Variants in MAML3 observed in about 807,000 individuals in gnomAD.
MAML3 encodes mastermind like transcriptional coactivator 3, also known as mastermind-like protein 3.
Under a neutral mutation model 101.9 loss-of-function variants are expected in MAML3, and 27 were observed. The observed-to-expected ratio is 0.27, with a 90% CI of 0.20 to 0.37. MAML3 has a LOEUF of 0.37. Ranked by LOEUF, MAML3 falls within the 10% of genes least tolerant of loss-of-function variation. The pLI, the probability that MAML3 is intolerant of heterozygous loss-of-function variation, is 1.00. For synonymous variants in MAML3, 501 were observed against 555.9 expected (o/e 0.90, Z 1.39); for missense variants, 1,316 against 1,444.9 (o/e 0.91, Z 1.45).
chr4:140,061,079 G>A (rs1173211531), intron 1 of MAML3, among the ~76,000 whole-genome samples: 2 of 152,182 alleles, frequency 1.3e-5, no homozygotes, highest in Non-Finnish European at 2.9e-5. Flanking sequence ...CGTTTGATGT[G>A]GACTTCTACG....
At chr4:139,999,095 C>G (rs1045376774) in intron 1 of MAML3, among the ~76,000 whole-genome samples, 1 of 152,182 alleles carries the variant, frequency 6.6e-6, no homozygotes, top group East Asian at 1.9e-4. Context: ...AGCCTCAAGA[C>G]TAGATAGGAG....
chr4:139,717,109 A>G lies in MAML3; in HGVS notation c.*2214T>C, dbSNP rs1411712206. On this transcript the variant is annotated 3_prime_UTR_variant, in exon 5 of 5. Coordinates refer to ENST00000509479, the MANE Select transcript of MAML3 (RefSeq NM_018717.5). ...GATATCTGCAGTATTGTAAAAACTT[A>G]TGTACAAATAACTTTTTTTAGACAT... 2.0e-5 allele frequency: 3 copies of G among 152,458 alleles called. No individual in the cohort carries two copies. Among genetic ancestry groups the G allele is most frequent in the Non-Finnish European group, 4.4e-5 (3 of 67,998 alleles). The allele number at this position is 152,458 out of a possible 1,614,324, so 9.4% of individuals were successfully genotyped here.
At chr4:140,123,447 G>T (rs1447018298) in intron 1 of MAML3, among the ~76,000 whole-genome samples, 1 of 152,040 alleles carries the variant, frequency 6.6e-6, no homozygotes, top group Non-Finnish European at 1.5e-5. Flanking sequence ...TTACAAGTAG[G>T]TGAGAAATTG....
At chr4:139,729,249 C>T (rs1200749915) in intron 3 of MAML3, among the ~76,000 whole-genome samples, 1 of 149,104 alleles carries the variant, frequency 6.7e-6, no homozygotes, top group Non-Finnish European at 1.5e-5. Flanking sequence ...TTACTTTGAA[C>T]TGCTATTCTT....
At chr4:140,118,444 A>G (rs1728550759) in intron 1 of MAML3, among the ~76,000 whole-genome samples, 1 of 152,210 alleles carries the variant, frequency 6.6e-6, no homozygotes, top group South Asian at 2.1e-4. Context: ...TAATAATAAT[A>G]ATAAACAATG....
intron 2 of MAML3, among the ~76,000 whole-genome samples, chr4:139,763,844 C>T (rs1010747505): frequency 3.9e-5 from 6 of 152,198 alleles, no homozygotes; most frequent in Non-Finnish European, 7.3e-5. Context: ...AGAGAGGCCG[C>T]TGAATTAAAC....
At chr4:140,129,684 C>T (rs1041372373) in intron 1 of MAML3, among the ~76,000 whole-genome samples, 9 of 152,030 alleles carry the variant, frequency 5.9e-5, no homozygotes, top group Admixed American at 2.0e-4. Flanking sequence ...CAAAACAAAA[C>T]GGCCGGGCGC....
At chr4:139,915,219 A>C (rs1290938966) in intron 1 of MAML3, among the ~76,000 whole-genome samples, 1 of 152,208 alleles carries the variant, frequency 6.6e-6, no homozygotes, top group Non-Finnish European at 1.5e-5. Flanking sequence ...AAAATACTAC[A>C]TTTGTCAGTT....
chr4:139,804,141 G>A (rs1272001152), intron 2 of MAML3, among the ~76,000 whole-genome samples: 1 of 152,200 alleles, frequency 6.6e-6, no homozygotes, highest in East Asian at 1.9e-4. Flanking sequence ...GAAGGTTGGA[G>A]TAGCTCAGTC....
chr4:139,786,171 C>T (rs1458562420), intron 2 of MAML3, among the ~76,000 whole-genome samples: 2 of 151,954 alleles, frequency 1.3e-5, no homozygotes, highest in Non-Finnish European at 2.9e-5. Flanking sequence ...AGGCAGAGGC[C>T]TTCAGAAGAA....
chr4:139,973,682 A>C (rs2110796254), intron 1 of MAML3, among the ~76,000 whole-genome samples: 1 of 152,288 alleles, frequency 6.6e-6, no homozygotes, highest in East Asian at 1.9e-4. Flanking sequence ...TGTGAATACC[A>C]CAAGTTCACA....
chr4:139,771,721 CAG>C (rs1168445700), intron 2 of MAML3, among the ~76,000 whole-genome samples: 2 of 152,216 alleles, frequency 1.3e-5, no homozygotes. Context: ...CAGCCTAGGA[CAG>C]AGTTTCTTAA....
At chr4:139,933,305 C>T (rs533985378) in intron 1 of MAML3, among the ~76,000 whole-genome samples, 331 of 152,198 alleles carry the variant, frequency 2.2e-3, no homozygotes, top group Middle Eastern at 0.014. Flanking sequence ...ACTCAGGGCC[C>T]GCCCATGAGC....
intron 1 of MAML3, among the ~76,000 whole-genome samples, chr4:139,942,941 T>A (rs1733635101): frequency 6.6e-6 from 1 of 152,210 alleles, no homozygotes; most frequent in Admixed American, 6.5e-5. Context: ...ACAACTGATA[T>A]TACATTTTTG....
chr4:139,766,607 C>A (rs1266036342), intron 2 of MAML3, among the ~76,000 whole-genome samples: 1 of 152,178 alleles, frequency 6.6e-6, no homozygotes, highest in East Asian at 1.9e-4. Context: ...CCGGCCACAC[C>A]CAGCTGCTTT....
chr4:139,742,963 C>A (rs2111026855), intron 2 of MAML3, among the ~76,000 whole-genome samples: 1 of 152,280 alleles, frequency 6.6e-6, no homozygotes, highest in South Asian at 2.1e-4. Context: ...TTCCTAATTT[C>A]TTTCCACCAG....
chr4:139,953,538 A>C (rs564639417), intron 1 of MAML3, among the ~76,000 whole-genome samples: 1 of 152,298 alleles, frequency 6.6e-6, no homozygotes, highest in African/African-American at 2.4e-5. Flanking sequence ...AGGCAGGAGA[A>C]TTGCTGAACC....
chr4:139,823,681 G>A (rs1454055991), intron 2 of MAML3, among the ~76,000 whole-genome samples: 1 of 150,836 alleles, frequency 6.6e-6, no homozygotes, highest in Non-Finnish European at 1.5e-5. Flanking sequence ...TTGTTCCATA[G>A]CACTTATAAC....
intron 2 of MAML3, among the ~76,000 whole-genome samples, chr4:139,791,805 T>G (rs184069171): frequency 1.6e-4 from 25 of 152,354 alleles, no homozygotes; most frequent in Non-Finnish European, 1.5e-4. Flanking sequence ...CATTGTATTC[T>G]AGCCAGTTGT....
Sources: allele counts gnomAD v4.1 joint callset (sites outside exome capture counted in the v4.1 genomes callset), GRCh38; gene constraint gnomAD v4.1.1; transcripts MANE v1.5; gene names NCBI Gene and HGNC (gene_info 2026-07-23, HGNC 2026-07-21).